Variants in SPTBN1 observed in about 807,000 individuals in gnomAD.
SPTBN1 encodes spectrin beta chain, non-erythrocytic 1.
In SPTBN1, 32 loss-of-function variants were observed where a neutral mutation model predicts 266.4. That is an observed-to-expected ratio of 0.12 (90% CI 0.09 to 0.16). The LOEUF (loss-of-function observed/expected upper bound fraction) is 0.16, where lower values mean the gene tolerates loss of function less well. SPTBN1 is among the 10% of genes least tolerant of loss of function. SPTBN1 has a pLI of 1.00. For missense variants in SPTBN1, 2,296 were observed against 3,067.1 expected (o/e 0.75, Z 5.94); for synonymous variants, 1,336 against 1,162.2 (o/e 1.15, Z -3.04).
At chr2:54,509,157 G>GCC (rs1451403676) in intron 1 of SPTBN1, among the ~76,000 whole-genome samples, 14 of 152,184 alleles carry the variant, frequency 9.2e-5, no homozygotes, top group Admixed American at 9.2e-4. Context: ...TGGTGGAACT[G>GCC]CCATCAATAA....
At chr2:54,512,049 T>C in intron 1 of SPTBN1, among the ~76,000 whole-genome samples, 1 of 152,090 alleles carries the variant, frequency 6.6e-6, no homozygotes, top group Non-Finnish European at 1.5e-5. Flanking sequence ...CATGTGCAGT[T>C]CACAGTAGGG....
At chr2:54,584,477 CCA>C (rs1471435474) in intron 2 of SPTBN1, among the ~76,000 whole-genome samples, 2 of 152,296 alleles carry the variant, frequency 1.3e-5, no homozygotes, top group Admixed American at 6.5e-5. Flanking sequence ...TACCTTCTCA[CCA>C]ACCACATGTG....
In SPTBN1 at chr2:54,668,570, AC is replaced by A. The variant is rs759264584; in HGVS notation, c.*2del. ...CAGCCTTTTTGGCAAAAAGAAATGAACTCCTTTCCTTCACCTCCTGCCCTTC... is the reference window on the plus strand; with the variant it reads ...CAGCCTTTTTGGCAAAAAGAAATGAATCCTTTCCTTCACCTCCTGCCCTTC... On this transcript the variant is annotated 3_prime_UTR_variant, in exon 36 of 36. Coordinates refer to ENST00000356805, the MANE Select transcript of SPTBN1 (RefSeq NM_003128.3). The A allele has an allele frequency of 6.2e-7, 1 of 1,607,730 alleles. No homozygotes were observed. The highest frequency in any genetic ancestry group is 1.1e-5 in the South Asian group (1 of 90,318).
chr2:54,614,796 C>CA lies in SPTBN1; in HGVS notation c.475-1397dup, dbSNP rs112685418. Among the ~76,000 whole-genome samples, 632 of 119,410 alleles carry CA rather than the reference C, an allele frequency of 5.3e-3. 4 individuals carry two copies. The highest frequency in any genetic ancestry group is 0.019 in the Admixed American group (227 of 11,910). The allele number at this position is 119,410 out of a possible 152,430, so 78.3% of individuals were successfully genotyped here. ...CCAGCCTGGGCGACAGAGACTGTCT[C>CA]AAAAAAAAAAAAAAGTAAAAGATGG... On this transcript the variant is annotated intron_variant, in intron 4 of 35. Coordinates refer to ENST00000356805, the MANE Select transcript of SPTBN1 (RefSeq NM_003128.3).
At chr2:54,488,888 A>G (rs947003035) in intron 1 of SPTBN1, among the ~76,000 whole-genome samples, 1 of 152,198 alleles carries the variant, frequency 6.6e-6, no homozygotes, top group Non-Finnish European at 1.5e-5. Flanking sequence ...AATAAGTGCC[A>G]TGGCAAAAAT....
intron 2 of SPTBN1, among the ~76,000 whole-genome samples, chr2:54,593,426 TTTTCCAC>T (rs1675820603): frequency 6.6e-6 from 1 of 152,114 alleles, no homozygotes; most frequent in Non-Finnish European, 1.5e-5. Flanking sequence ...TTTCACTTTG[TTTTCCAC>T]TTTCCTCCCT....
chr2:54,549,250 T>C (rs979718507), intron 2 of SPTBN1, among the ~76,000 whole-genome samples: 11 of 145,820 alleles, frequency 7.5e-5, no homozygotes, highest in African/African-American at 2.9e-4. Flanking sequence ...GATTGTGCCA[T>C]TGCACTCCAG....
intron 1 of SPTBN1, among the ~76,000 whole-genome samples, chr2:54,475,269 A>G (rs933982549): frequency 3.3e-5 from 5 of 152,172 alleles, no homozygotes; most frequent in African/African-American, 4.8e-5. Flanking sequence ...TTATAAGAAC[A>G]GCTTATTCTT....
chr2:54,643,526 T>C (rs778262548), intron 19 of SPTBN1, among the ~76,000 whole-genome samples: 3 of 152,228 alleles, frequency 2.0e-5, no homozygotes, highest in African/African-American at 7.2e-5. Flanking sequence ...TGCTTTTTCC[T>C]ATGAGACTAC....
chr2:54,665,514 C>T (rs1221224294), intron 33 of SPTBN1, among the ~76,000 whole-genome samples: 1 of 152,236 alleles, frequency 6.6e-6, no homozygotes, highest in Non-Finnish European at 1.5e-5. Context: ...AATGAATCCG[C>T]AGCTGGAGGA....
intron 2 of SPTBN1, among the ~76,000 whole-genome samples, chr2:54,545,965 A>G (rs1481335079): frequency 1.3e-5 from 2 of 152,162 alleles, no homozygotes; most frequent in East Asian, 1.9e-4. Context: ...CTTCTACAGG[A>G]AATAATGCCC....
intron 32 of SPTBN1, chr2:54,661,286 A>G (rs1364872762): frequency 3.0e-6 from 3 of 985,796 alleles, no homozygotes; most frequent in Non-Finnish European, 3.6e-6. Context: ...ACCGATAAAA[A>G]CAAAACCAAA....
intron 18 of SPTBN1, among the ~76,000 whole-genome samples, chr2:54,642,065 A>G (rs1008781713): frequency 3.3e-5 from 5 of 152,280 alleles, no homozygotes; most frequent in Admixed American, 2.6e-4. Context: ...TCTTTTGTGT[A>G]TCTTCAGCCT....
intron 1 of SPTBN1, among the ~76,000 whole-genome samples, chr2:54,502,886 A>G (rs577381288): frequency 1.1e-4 from 17 of 152,314 alleles, no homozygotes; most frequent in African/African-American, 3.4e-4. Flanking sequence ...TCATTGTGTC[A>G]GGAATGAGCT....
chr2:54,649,909 G>A lies in SPTBN1; in HGVS notation c.5497G>A (p.Gly1833Arg). The A allele has an allele frequency of 6.2e-7, 1 of 1,614,202 alleles. No homozygotes were observed. Among genetic ancestry groups the A allele is most frequent in the Non-Finnish European group, 8.5e-7 (1 of 1,180,042 alleles). Residue 1833 changes from glycine (G) to arginine (R), a missense_variant, in exon 26 of 36, where the codon GGG (glycine) becomes AGG (arginine). This residue lies in a region of SPTBN1 where 644 missense variants were observed against 745.3 expected (regional missense o/e 0.86). Coordinates refer to ENST00000356805, the MANE Select transcript of SPTBN1 (RefSeq NM_003128.3). The surrounding 1 kb of genome is among the most constrained non-coding windows in gnomAD (Gnocchi z 6.7). ...ACACAAGAAACTCCCTGAGGAGCTT[G>A]GGAGAGATCAGAACACAGTGGAGAC... The part of the protein sequence containing the change: ...DKHKKLPEEL[G>R]RDQNTVETLQ...
chr2:54,609,830 CCTT>C (rs764454861), intron 3 of SPTBN1, among the ~76,000 whole-genome samples: 1 of 152,042 alleles, frequency 6.6e-6, no homozygotes, highest in Non-Finnish European at 1.5e-5. Context: ...ATTGTCCAGG[CCTT>C]CTTTTTGTAC....
At chr2:54,613,441 C>G (rs1226967537) in intron 4 of SPTBN1, among the ~76,000 whole-genome samples, 1 of 152,198 alleles carries the variant, frequency 6.6e-6, no homozygotes, top group Admixed American at 6.5e-5. Context: ...TTCTCACTTG[C>G]CCTACGATTG....
intron 26 of SPTBN1, among the ~76,000 whole-genome samples, chr2:54,650,912 G>A (rs1330840628): frequency 6.6e-6 from 1 of 152,092 alleles, no homozygotes; most frequent in East Asian, 1.9e-4. Context: ...GTATACTTTG[G>A]GATTTGTTCT....
intron 2 of SPTBN1, chr2:54,527,708 C>T (rs985559552): frequency 6.6e-6 from 1 of 152,192 alleles, no homozygotes; most frequent in African/African-American, 2.4e-5. Context: ...GTCCCTGGCC[C>T]CCTTGGACTA....
Sources: allele counts gnomAD v4.1 joint callset (sites outside exome capture counted in the v4.1 genomes callset), GRCh38; gene constraint gnomAD v4.1.1; regional missense constraint gnomAD v4.1.1; non-coding constraint Gnocchi (gnomAD v3.1); transcripts MANE v1.5; gene names NCBI Gene and HGNC (gene_info 2026-07-23, HGNC 2026-07-21).